Variants in TMPRSS13 observed in about 807,000 individuals in gnomAD.
TMPRSS13 encodes the protein transmembrane serine protease 13.
TMPRSS13 carries 50 observed loss-of-function variants against 68.4 expected under a neutral mutation model. The ratio of observed to expected loss-of-function variants is 0.73; its 90% CI spans 0.58 to 0.93. The LOEUF (loss-of-function observed/expected upper bound fraction) is 0.93, where lower values mean the gene tolerates loss of function less well. Among genes scored for constraint, TMPRSS13 ranks in the 40% least tolerant of loss-of-function variants. TMPRSS13 has a pLI of 0.00. For missense variants in TMPRSS13, 615 were observed against 729.2 expected, an observed-to-expected ratio of 0.84 and a Z score of 1.80; for synonymous variants, 267 against 285.8, an observed-to-expected ratio of 0.93 and a Z score of 0.66.
At chr11:117,923,993 G>A (rs930287754) in intron 1 of TMPRSS13, among the ~76,000 whole-genome samples, 4 of 151,814 alleles carry the variant, frequency 2.6e-5, no homozygotes, top group African/African-American at 4.8e-5. Context: ...CCATCCCTTC[G>A]TAAAGCTACC....
intron 1 of TMPRSS13, among the ~76,000 whole-genome samples, chr11:117,920,351 G>A (rs190540880): frequency 1.6e-4 from 25 of 152,270 alleles, no homozygotes; most frequent in East Asian, 9.7e-4. Flanking sequence ...TTGTTTGCTC[G>A]TTTGTTTTTT....
rs1355730272 is a variant in TMPRSS13 at position 117,911,879 on chromosome 11, GAGA to G, written c.810-22_810-20del. On this transcript the variant is annotated intron_variant, in intron 5 of 12. Coordinates refer to ENST00000524993, the MANE Select transcript of TMPRSS13 (RefSeq NM_001077263.3). ...GTGAGCACTACAAGGGAGCAGAGGGGAGAAGAATGAGCCCCCTGGAGACAGAGT... is the reference window on the plus strand; with the variant it reads ...GTGAGCACTACAAGGGAGCAGAGGGGAGAATGAGCCCCCTGGAGACAGAGT... 4.4e-6 allele frequency: 7 copies of G among 1,601,224 alleles called. No individual in the cohort carries two copies. Among genetic ancestry groups the G allele is most frequent in the Non-Finnish European group, 6.0e-6 (7 of 1,169,060 alleles).
chr11:117,925,509 TC>T (rs2057696705), intron 1 of TMPRSS13, among the ~76,000 whole-genome samples: 1 of 152,236 alleles, frequency 6.6e-6, no homozygotes, highest in African/African-American at 2.4e-5. Context: ...CCTCAATGTT[TC>T]CCTGTGTCTG....
chr11:117,914,312 T>C lies in TMPRSS13; in HGVS notation c.679+80A>G, dbSNP rs1320042299. On this transcript the variant is annotated intron_variant, in intron 4 of 12. Transcript: ENST00000524993. The surrounding 1 kb of genome is among the most constrained non-coding windows in gnomAD (Gnocchi z 4.2). ...ACACATATACACACACAGGCATGCA[T>C]ACACACACACATATACAAACAGGCA... 4 of 1,568,520 alleles carry C rather than the reference T, an allele frequency of 2.6e-6. No individual in the cohort carries two copies. The highest frequency in any genetic ancestry group is 1.7e-5 in the Admixed American group (1 of 59,396).
intron 5 of TMPRSS13, among the ~76,000 whole-genome samples, chr11:117,912,084 C>A (rs1444630888): frequency 1.3e-5 from 2 of 152,170 alleles, no homozygotes; most frequent in Admixed American, 1.3e-4. Flanking sequence ...CCAAGATCCC[C>A]AGCCCTATGC....
Position 117,903,808 on chromosome 11 carries a change from C to T in TMPRSS13, c.1525-1G>A, listed in dbSNP as rs1272719936. The T allele has an allele frequency of 6.2e-7, 1 of 1,609,734 alleles. No homozygotes were observed. Among genetic ancestry groups the T allele is most frequent in the East Asian group, 2.2e-5 (1 of 44,768 alleles). On this transcript the variant is annotated splice_acceptor_variant, in intron 11 of 12. Coordinates refer to ENST00000524993, the MANE Select transcript of TMPRSS13 (RefSeq NM_001077263.3). LOFTEE classifies it high-confidence loss of function. Reference sequence around the variant, plus strand: ...AGACAAGAGGCCCCCCGCTGTCTCCCTGCAGGGGAGAGGGGGCACATTCGC... The same window carrying T: ...AGACAAGAGGCCCCCCGCTGTCTCCTTGCAGGGGAGAGGGGGCACATTCGC...
rs1474392305 is a variant in TMPRSS13 at position 117,924,520 on chromosome 11, A to G, written c.21+4767T>C. ...AACAACCCAGCACTCTGGGCTAGGC[A>G]GGAAGAAAAACCCCTCACTAAACCC... is the stretch of plus-strand genomic sequence containing the variant. On this transcript the variant is annotated intron_variant, in intron 1 of 12. Transcript: ENST00000524993. Among the ~76,000 whole-genome samples the G allele has an allele frequency of 2.6e-5, 4 of 152,098 alleles. No homozygotes were observed. The East Asian group carries it at 7.7e-4, about 29-fold the overall frequency.
rs570592195 is a variant in TMPRSS13, at chr11:117,908,122, C to T, written c.1282+490G>A. 3.0e-4 allele frequency: 310 copies of T among 1,037,112 alleles called. 5 individuals are homozygous for T. The South Asian group carries it at 0.012, about 41-fold the overall frequency. The allele number at this position is 1,037,112 out of a possible 1,614,324, so 64.2% of individuals were successfully genotyped here. ...GGAGAGCACTGCTTGGGAATCAGAT[C>T]GACCTGGTTCCAATCCCAGAGCTAC... On this transcript the variant is annotated intron_variant, in intron 9 of 12. Transcript: ENST00000524993.
In TMPRSS13 at chr11:117,909,240, A is replaced by G. The variant is rs900882048; in HGVS notation, c.1110-456T>C. On this transcript the variant is annotated intron_variant, in intron 8 of 12. Coordinates refer to ENST00000524993, the MANE Select transcript of TMPRSS13 (RefSeq NM_001077263.3). Reference sequence around the variant, plus strand: ...CAAGGGCTTGTACTGATAAGATCTCAGTATTATTACCCTCAGCAAATTCAG... The same window carrying G: ...CAAGGGCTTGTACTGATAAGATCTCGGTATTATTACCCTCAGCAAATTCAG... Among the ~76,000 whole-genome samples the G allele has an allele frequency of 3.9e-5, 6 of 152,318 alleles. No individual in the cohort carries two copies. In the East Asian group the frequency reaches 9.6e-4, roughly 24 times the overall value.
At chr11:117,913,654 T>C (rs2057544254) in intron 5 of TMPRSS13, 123 bp downstream of exon 5, 1 of 1,268,578 alleles carries the variant, frequency 7.9e-7, no homozygotes, top group East Asian at 2.4e-5. Flanking sequence ...CCAGAGCTAG[T>C]GAGATCAGCC....
In TMPRSS13 at chr11:117,902,191, CAG is replaced by C; in HGVS notation, c.*46_*47del. On this transcript the variant is annotated 3_prime_UTR_variant, in exon 13 of 13. Coordinates refer to ENST00000524993, the MANE Select transcript of TMPRSS13 (RefSeq NM_001077263.3). ...GCCACACATGGCCAGTCACCATGGC[CAG>C]AGTCTTCACAGCAGCCGGTGCTGTG... 6.2e-7 allele frequency: 1 copy of C among 1,611,922 alleles called. No homozygotes were observed.
Position 117,908,558 on chromosome 11 carries a change from G to A in TMPRSS13, c.1282+54C>T, listed in dbSNP as rs868173411. ...ACAGATGCTGACAAGTGCGAGGGCTGCAGAGGGTGCTGGGGCTGGGGGGCA... is the reference window on the plus strand; with the variant it reads ...ACAGATGCTGACAAGTGCGAGGGCTACAGAGGGTGCTGGGGCTGGGGGGCA... On this transcript the variant is annotated intron_variant, in intron 9 of 12. Coordinates refer to ENST00000524993, the MANE Select transcript of TMPRSS13 (RefSeq NM_001077263.3). 2.6e-6 allele frequency: 4 copies of A among 1,535,632 alleles called. No homozygotes were observed. In the African/African-American group the frequency reaches 4.1e-5, roughly 16 times the overall value.
Position 117,914,527 on chromosome 11 carries a change from A to C in TMPRSS13, c.557-13T>G, listed in dbSNP as rs754229245. The C allele has an allele frequency of 1.2e-5, 19 of 1,613,542 alleles. No homozygotes were observed. The highest frequency in any genetic ancestry group is 1.6e-5 in the Non-Finnish European group (19 of 1,179,962). On this transcript the variant is annotated splice_polypyrimidine_tract_variant and intron_variant, in intron 3 of 12. Coordinates refer to ENST00000524993, the MANE Select transcript of TMPRSS13 (RefSeq NM_001077263.3). The surrounding 1 kb of genome is among the most constrained non-coding windows in gnomAD (Gnocchi z 4.2). ...TGCCAGAACTGGACTAGAGAAAAAG[A>C]AGCAGACAGCTGGGTCATGGCCAGC...
chr11:117,914,664 G>A lies in TMPRSS13; in HGVS notation c.557-150C>T, dbSNP rs540475816. On this transcript the variant is annotated intron_variant, in intron 3 of 12. Coordinates refer to ENST00000524993, the MANE Select transcript of TMPRSS13 (RefSeq NM_001077263.3). This position sits in a 1 kb window ranked among gnomAD's most constrained non-coding sequence, Gnocchi z 4.2. ...ATCCCCCATCTGTATGGAGAGAAAG[G>A]CTGCTCAGGAATGCTCCAGAATGCT... 9.1e-6 allele frequency: 13 copies of A among 1,426,630 alleles called. No homozygotes were observed. The Admixed American group carries it at 1.5e-4, about 16-fold the overall frequency. The allele number at this position is 1,426,630 out of a possible 1,614,324, so 88.4% of individuals were successfully genotyped here.
rs200481694 is a variant in TMPRSS13 at position 117,904,080 on chromosome 11, C to T, written c.1403G>A (p.Arg468Gln). Reference sequence around the variant, plus strand: ...GTCGATGAGATTGACCTGCACCTCCCGGAGGAAGGGGGATGTCTTGTCTTC... The same window carrying T: ...GTCGATGAGATTGACCTGCACCTCCTGGAGGAAGGGGGATGTCTTGTCTTC... ...ETDDKTSPFLREVQVNLIDFK... is the reference protein window; with the variant it reads ...ETDDKTSPFLQEVQVNLIDFK... The change falls in exon 11 of 13, where the codon CGG becomes CAG. Residue 468 changes from arginine (R) to glutamine (Q), a missense_variant. Physicochemically the swap from Arg to Gln is conservative, Grantham distance 43. Transcript: ENST00000524993. The T allele has an allele frequency of 6.9e-4, 1,121 of 1,614,042 alleles. 1 individual carries two copies. Among genetic ancestry groups the T allele is most frequent in the Non-Finnish European group, 7.8e-4 (920 of 1,179,960 alleles).
intron 12 of TMPRSS13, 109 bp downstream of exon 12, chr11:117,903,546 A>G (rs758666252): frequency 1.3e-6 from 2 of 1,578,790 alleles, no homozygotes; most frequent in Admixed American, 3.7e-5. Context: ...CCCCCCGAAT[A>G]TGGGGACGCT....
At chr11:117,903,602 C>G in intron 12 of TMPRSS13, 53 bp downstream of exon 12, 1 of 1,612,600 alleles carries the variant, frequency 6.2e-7, no homozygotes, top group South Asian at 1.1e-5. Context: ...AGGGTCCCCA[C>G]CTGAGGAAGT....
At chr11:117,918,359 C>T (rs992558774) in intron 2 of TMPRSS13, 50 bp downstream of exon 2, 1 of 1,589,660 alleles carries the variant, frequency 6.3e-7, no homozygotes, top group Non-Finnish European at 8.6e-7. Flanking sequence ...TCCTCCCTGC[C>T]CATGGGCTGC....
chr11:117,902,095 C>T lies in TMPRSS13; in HGVS notation c.*144G>A. 1.2e-6 allele frequency: 1 copy of T among 853,520 alleles called. No homozygotes were observed. The highest frequency in any genetic ancestry group is 1.9e-6 in the Non-Finnish European group (1 of 530,386). 52.9% of individuals were successfully genotyped at this position (853,520 alleles called of 1,614,324 possible). A position where few individuals can be genotyped will look rare whatever the true frequency, so the allele number is the denominator to read the frequency against. On this transcript the variant is annotated 3_prime_UTR_variant, in exon 13 of 13. Transcript: ENST00000524993. ...ATGCACACACACACACACACACACA[C>T]ACACACACAGAGGCAGCAGACAGTG...
Sources: allele counts gnomAD v4.1 joint callset (sites outside exome capture counted in the v4.1 genomes callset), GRCh38; gene constraint gnomAD v4.1.1; non-coding constraint Gnocchi (gnomAD v3.1); transcripts MANE v1.5; gene names NCBI Gene and HGNC (gene_info 2026-07-23, HGNC 2026-07-21).